Variants in TOP1MT observed in about 807,000 individuals in gnomAD.
TOP1MT encodes the protein DNA topoisomerase I mitochondrial, also known as DNA topoisomerase I, mitochondrial.
TOP1MT carries 80 observed loss-of-function variants against 73.9 expected under a neutral mutation model. That is an observed-to-expected ratio of 1.08 (90% CI 0.90 to 1.30). TOP1MT has a LOEUF of 1.30. Ranked by LOEUF, TOP1MT falls within the 50% of genes most tolerant of loss-of-function variation. TOP1MT has a pLI of 0.00. For synonymous variants in TOP1MT, 338 were observed against 326.4 expected (o/e 1.04, Z -0.38); for missense variants, 815 against 808.0 (o/e 1.01, Z -0.10).
rs202127279 is a variant in TOP1MT, at chr8:143,324,580, G to T, written c.721C>A (p.Arg241Ser). 3.7e-6 allele frequency: 6 copies of T among 1,613,574 alleles called. No homozygotes were observed. The African/African-American group carries it at 4.0e-5, about 11-fold the overall frequency. ...PPAGHQWKEV[R>S]SDNTVTWLAA... ...AGCCACGTGACGGTGTTATCGGAGC[G>T]CACCTCCTTCCACTGGTGCCCCGCC... The change falls in exon 6 of 14, where the codon CGC becomes AGC. Residue 241 changes from arginine (R) to serine (S), a missense_variant. This residue lies in a region of TOP1MT where 751 missense variants were observed against 725.4 expected (regional missense o/e 1.04). Transcript: ENST00000329245.
At chr8:143,359,546 G>A (rs1048049471), upstream of TOP1MT, 3 of 473,912 alleles carry the variant, frequency 6.3e-6, no homozygotes, top group Non-Finnish European at 8.3e-6. Context: ...GAGGGGTGGG[G>A]CAGCCAGGGG....
chr8:143,359,643 T>G (rs892471694), upstream of TOP1MT, among the ~76,000 whole-genome samples: 1 of 130,322 alleles, frequency 7.7e-6, no homozygotes. Flanking sequence ...CCCATGGAGA[T>G]GGAGGAAACA....
At position 143,331,255 on chromosome 8, in the gene TOP1MT, G is replaced by C; in HGVS notation, c.207C>G (p.Pro69=). The change falls in exon 2 of 14, where the codon CCC becomes CCG. Residue 69 remains proline (P), a synonymous_variant. Transcript: ENST00000329245. ...KGPYFAPPYE[P]LPDGVRFFYE... ...AGAAGAAACGCACTCCGTCGGGAAGGGGCTCGTATGGGGGTGCGAAGTACG... is the reference window on the plus strand; with the variant it reads ...AGAAGAAACGCACTCCGTCGGGAAGCGGCTCGTATGGGGGTGCGAAGTACG... 6.2e-7 allele frequency: 1 copy of C among 1,611,244 alleles called. No homozygotes were observed. Among genetic ancestry groups the C allele is most frequent in the Non-Finnish European group, 8.5e-7 (1 of 1,177,802 alleles).
upstream of TOP1MT, among the ~76,000 whole-genome samples, chr8:143,348,294 G>C (rs1817262497): frequency 6.6e-6 from 1 of 152,176 alleles, no homozygotes; most frequent in South Asian, 2.1e-4. The surrounding 1 kb of genome is among the most constrained non-coding windows in gnomAD (Gnocchi z 4.6). Flanking sequence ...GACAGCACAA[G>C]GGGTGGTAAG....
upstream of TOP1MT, among the ~76,000 whole-genome samples, chr8:143,336,452 G>C (rs117365963): frequency 6.7e-3 from 1,023 of 152,252 alleles, 5 homozygotes; most frequent in Non-Finnish European, 0.011. Context: ...CTGAAAAGCA[G>C]CATCTACAAA....
intron 2 of TOP1MT, among the ~76,000 whole-genome samples, chr8:143,330,189 T>C (rs1468803570): frequency 1.3e-5 from 2 of 152,152 alleles, no homozygotes; most frequent in Non-Finnish European, 2.9e-5. Flanking sequence ...CCCGAGGGGC[T>C]CAGCTCCCAC....
chr8:143,319,525 G>A (rs1281324169), intron 8 of TOP1MT, among the ~76,000 whole-genome samples: 3 of 150,674 alleles, frequency 2.0e-5, no homozygotes, highest in Admixed American at 6.6e-5. Context: ...TCACTGCGAC[G>A]TGGCGCCCAC....
chr8:143,326,250 C>T lies in TOP1MT; in HGVS notation c.455G>A (p.Arg152Gln), dbSNP rs376677228. The T allele has an allele frequency of 1.6e-5, 26 of 1,613,868 alleles. No homozygotes were observed. The highest frequency in any genetic ancestry group is 8.8e-5 in the South Asian group (8 of 91,092). Residue 152 changes from arginine to glutamine, a missense_variant, in exon 4 of 14, where the codon CGG becomes CAG. This residue lies in a region of TOP1MT where 751 missense variants were observed against 725.4 expected (regional missense o/e 1.04). Coordinates refer to ENST00000329245, the MANE Select transcript of TOP1MT (RefSeq NM_052963.3). Reference sequence around the variant, plus strand: ...CTTCTCCTCCCTGCTCAGGACTTTCCGGGCTGCGGCCTTGTCCACAAAGTA... The same window carrying T: ...CTTCTCCTCCCTGCTCAGGACTTTCTGGGCTGCGGCCTTGTCCACAAAGTA... ...HRYFVDKAAA[R>Q]KVLSREEKQK...
chr8:143,322,613 CAT>C, intron 7 of TOP1MT, among the ~76,000 whole-genome samples: 2 of 107,136 alleles, frequency 1.9e-5, no homozygotes, highest in African/African-American at 7.1e-5. Context: ...CACACACATG[CAT>C]GCCACACAGG....
rs1265228044 is a variant in TOP1MT, at chr8:143,323,123, ACACACACAGGCACAC to A, written c.960+861_960+875del. ...AACACGCACGCCACACATGCACGCC[ACACACACAGGCACAC>A]CACACACAGGCACGCCACACAGGCA... is the stretch of plus-strand genomic sequence containing the variant. On this transcript the variant is annotated intron_variant, in intron 7 of 13. Transcript: ENST00000329245. Among the ~76,000 whole-genome samples, 520 of 116,142 alleles carry A rather than the reference ACACACACAGGCACAC, an allele frequency of 4.5e-3. 14 individuals are homozygous for A. The highest frequency in any genetic ancestry group is 0.017 in the African/African-American group (454 of 26,564). The allele number at this position is 116,142 out of a possible 152,430, so 76.2% of individuals were successfully genotyped here. A position where few individuals can be genotyped will look rare whatever the true frequency, so the allele number is the denominator to read the frequency against.
rs59129293 is a variant in TOP1MT at position 143,341,640 on chromosome 8, A to C, written c.29+1580T>G. On this transcript the variant is annotated intron_variant, in intron 2 of 5. Coordinates refer to the TOP1MT transcript ENST00000518007. The surrounding 1 kb of genome is among the most constrained non-coding windows in gnomAD (Gnocchi z 4.1). Reference sequence around the variant, plus strand: ...CCCTTGTGGCCTCTGTCAGGAGCAGAAACCAAGGGCAATGAACAAAGGAGC... The same window carrying C: ...CCCTTGTGGCCTCTGTCAGGAGCAGCAACCAAGGGCAATGAACAAAGGAGC... Among the ~76,000 whole-genome samples, 5,122 of 152,298 alleles carry C rather than the reference A, an allele frequency of 0.034. 279 individuals are homozygous for C. The highest frequency in any genetic ancestry group is 0.12 in the African/African-American group (4,849 of 41,556).
chr8:143,329,469 T>C lies in TOP1MT; in HGVS notation c.241A>G (p.Arg81Gly). The C allele has an allele frequency of 3.7e-6, 6 of 1,607,744 alleles. No individual in the cohort carries two copies. The highest frequency in any genetic ancestry group is 5.1e-6 in the Non-Finnish European group (6 of 1,178,312). ...GCTGCCACGCTCAATCTCACAGGCC[T>C]TCCTGCAGGCATCGGAAGACACATC... ...PDGVRFFYEG[R>G]PVRLSVAAEE... The change falls in exon 3 of 14, where the codon AGG becomes GGG. Residue 81 changes from arginine to glycine, a missense_variant and splice_region_variant. Arg to Gly is a moderately radical substitution (Grantham distance 125, BLOSUM62 -2). Around this residue, in one of 3 missense-constraint regions of TOP1MT, gnomAD observed 751 missense variants for 725.4 expected, o/e 1.04. Transcript: ENST00000329245.
At chr8:143,311,567 G>A (rs1218561813) in intron 12 of TOP1MT, among the ~76,000 whole-genome samples, 1 of 152,098 alleles carries the variant, frequency 6.6e-6, no homozygotes, top group East Asian at 1.9e-4. Flanking sequence ...CTAACATGGT[G>A]AAACTCCGTC....
chr8:143,353,667 A>G (rs1423622009), intron 1 of TOP1MT, among the ~76,000 whole-genome samples: 3 of 152,166 alleles, frequency 2.0e-5, no homozygotes, highest in Non-Finnish European at 2.9e-5. Context: ...GTGGGAATGT[A>G]AAACGGTAAT....
intron 12 of TOP1MT, among the ~76,000 whole-genome samples, chr8:143,311,747 C>CA (rs34398519): frequency 7.6e-4 from 102 of 134,560 alleles, no homozygotes; most frequent in Admixed American, 3.8e-3. Flanking sequence ...GACTCTGTGT[C>CA]AAAAAAAAAA....
Position 143,344,027 on chromosome 8 carries a change from T to C in TOP1MT, c.-38-741A>G, listed in dbSNP as rs992537085. On this transcript the variant is annotated intron_variant, in intron 1 of 5. Coordinates refer to the TOP1MT transcript ENST00000518007. This position sits in a 1 kb window ranked among gnomAD's most constrained non-coding sequence, Gnocchi z 4.6. ...AAACCTGTGAGATTTCTGAAAATCA[T>C]GTTAGAGCCCTACTGAGGCAGAGGC... is the stretch of plus-strand genomic sequence containing the variant. 6.6e-6 allele frequency: 1 copy of C among 152,288 alleles called. No homozygotes were observed. Among genetic ancestry groups the C allele is most frequent in the African/African-American group, 2.4e-5 (1 of 41,450 alleles). 9.4% of individuals were successfully genotyped at this position (152,288 alleles called of 1,614,324 possible).
intron 3 of TOP1MT, chr8:143,328,380 T>G (rs1816759754): frequency 2.8e-5 from 12 of 421,830 alleles, no homozygotes; most frequent in South Asian, 1.9e-4. Context: ...CAACTCAGTT[T>G]TTTAAATAGA....
upstream of TOP1MT, among the ~76,000 whole-genome samples, chr8:143,347,960 G>A (rs1213593244): frequency 6.6e-6 from 1 of 152,196 alleles, no homozygotes; most frequent in Non-Finnish European, 1.5e-5. Flanking sequence ...AGGGTGAGGA[G>A]GGGTGGCTGC....
chr8:143,325,299 G>A lies in TOP1MT; in HGVS notation c.671+47C>T, dbSNP rs199525522. ...AGGTGAAGAAAAGCCAGCCTCACCCGGGTGGCGGGGGTCCAGTGCCCGCCT... is the reference window on the plus strand; with the variant it reads ...AGGTGAAGAAAAGCCAGCCTCACCCAGGTGGCGGGGGTCCAGTGCCCGCCT... On this transcript the variant is annotated intron_variant, in intron 5 of 13. Coordinates refer to ENST00000329245, the MANE Select transcript of TOP1MT (RefSeq NM_052963.3). 355 of 1,529,346 alleles carry A rather than the reference G, an allele frequency of 2.3e-4. 2 individuals are homozygous for A. In the African/African-American group the frequency reaches 3.3e-3, roughly 14 times the overall value. The allele number at this position is 1,529,346 out of a possible 1,614,324, so 94.7% of individuals were successfully genotyped here.
Sources: gnomAD v4.1 joint callset for allele counts (sites outside exome capture counted in the v4.1 genomes callset) on GRCh38, gnomAD v4.1.1 for gene constraint, gnomAD v4.1.1 regional missense constraint, Gnocchi (gnomAD v3.1) non-coding constraint, MANE v1.5 for transcripts, NCBI Gene and HGNC (gene_info 2026-07-23, HGNC 2026-07-21) for gene names.